HECW2: variants seen among roughly 807,000 people sequenced by gnomAD.
The protein encoded by HECW2 is E3 ubiquitin-protein ligase HECW2.
In HECW2, 61 loss-of-function variants were observed where a neutral mutation model predicts 175.2. That is an observed-to-expected ratio of 0.35 (90% CI 0.28 to 0.43). The LOEUF (loss-of-function observed/expected upper bound fraction) is 0.43, where lower values mean the gene tolerates loss of function less well. Among genes scored for constraint, HECW2 ranks in the 20% least tolerant of loss-of-function variants. The pLI is 1.00. For missense variants in HECW2, 1,524 were observed against 2,000.5 expected (o/e 0.76, Z 4.54); for synonymous variants, 671 against 731.0 (o/e 0.92, Z 1.32).
chr2:196,335,285 C>A (rs1692511378), intron 3 of HECW2, among the ~76,000 whole-genome samples: 1 of 152,096 alleles, frequency 6.6e-6, no homozygotes, highest in Non-Finnish European at 1.5e-5. Flanking sequence ...TGGAAAGTAA[C>A]TACAATTCCA....
At chr2:196,505,455 G>T (rs1228884228) in intron 1 of HECW2, among the ~76,000 whole-genome samples, 2 of 151,982 alleles carry the variant, frequency 1.3e-5, no homozygotes, top group Non-Finnish European at 2.9e-5. Flanking sequence ...CAGGAGAATC[G>T]CTTGAACCCA....
intron 2 of HECW2, among the ~76,000 whole-genome samples, chr2:196,365,338 C>T (rs1219346450): frequency 2.6e-5 from 4 of 152,224 alleles, no homozygotes; most frequent in Non-Finnish European, 4.4e-5. Context: ...AAGGTTAGCA[C>T]ATCAGGAAGG....
chr2:196,240,856 AAAC>A, intron 20 of HECW2, among the ~76,000 whole-genome samples: 1 of 152,234 alleles, frequency 6.6e-6, no homozygotes, highest in East Asian at 1.9e-4. Flanking sequence ...AATGATCATA[AAAC>A]AACACCACAC....
rs776016992 is a variant in HECW2, at chr2:196,220,936, A to T, written c.4152T>A (p.Thr1384=). ...CACCCCCTGGCTTTAATTCTCGTTC[A>T]GTTATCTGAGATTACAAAATAAAAA... ...TVNEEVFGQI[T]ERELKPGGAN... The change falls in exon 25 of 29, where the codon ACT becomes ACA. Residue 1384 remains threonine, a synonymous_variant. Transcript: ENST00000644978. 1 of 1,613,884 alleles carries T rather than the reference A, an allele frequency of 6.2e-7. No homozygotes were observed. Among genetic ancestry groups the T allele is most frequent in the South Asian group, 1.1e-5 (1 of 91,066 alleles).
chr2:196,224,654 C>T (rs918047564), intron 23 of HECW2, among the ~76,000 whole-genome samples: 4 of 152,078 alleles, frequency 2.6e-5, no homozygotes, highest in African/African-American at 7.2e-5. Context: ...CAATAAGATA[C>T]GGACTAATCA....
chr2:196,215,504 T>TTTCTAAATAGTTATTCTA (rs1404725209), intron 28 of HECW2, among the ~76,000 whole-genome samples: 7 of 152,186 alleles, frequency 4.6e-5, no homozygotes, highest in African/African-American at 1.7e-4. Context: ...ACTACAACGG[T>TTTCTAAATAGTTATTCTA]AATTTTTACT....
chr2:196,400,047 C>A (rs543811012), intron 2 of HECW2, among the ~76,000 whole-genome samples: 3 of 152,298 alleles, frequency 2.0e-5, no homozygotes, highest in Non-Finnish European at 2.9e-5. Context: ...ATGCTGGAAT[C>A]TGAAAGCATG....
intron 14 of HECW2, among the ~76,000 whole-genome samples, chr2:196,282,257 G>A (rs1182996678): frequency 6.6e-6 from 1 of 152,168 alleles, no homozygotes; most frequent in Non-Finnish European, 1.5e-5. Context: ...CCTTCGTTCT[G>A]TCCTTCACCC....
At chr2:196,316,631 G>C (rs1691709427) in intron 10 of HECW2, 1 of 152,262 alleles carries the variant, frequency 6.6e-6, no homozygotes, top group Non-Finnish European at 1.5e-5. Context: ...GATTGGCTAA[G>C]GGTATCACTC....
intron 1 of HECW2, among the ~76,000 whole-genome samples, chr2:196,584,672 T>C (rs1244285559): frequency 1.3e-5 from 2 of 152,140 alleles, no homozygotes; most frequent in Admixed American, 6.5e-5. Flanking sequence ...ACTGTTCTCA[T>C]AGGGCTATTT....
intron 2 of HECW2, among the ~76,000 whole-genome samples, chr2:196,386,412 T>G (rs1027891081): frequency 1.4e-4 from 22 of 152,192 alleles, no homozygotes; most frequent in African/African-American, 5.1e-4. Flanking sequence ...AAAAGAACAA[T>G]CAGTGCAAAG....
At chr2:196,440,526 T>C (rs1696007651) in intron 1 of HECW2, among the ~76,000 whole-genome samples, 1 of 152,178 alleles carries the variant, frequency 6.6e-6, no homozygotes, top group Non-Finnish European at 1.5e-5. Flanking sequence ...TACCTAAAAT[T>C]TGAGTTTTAG....
rs568742628 is a variant in HECW2, at chr2:196,241,378, G to T, written c.3650+706C>A. On this transcript the variant is annotated intron_variant, in intron 20 of 28. Transcript: ENST00000644978. ...TCAAGCAAGCCTTCCTGCAGGTGGG[G>T]CAGTGAGCCATGGGGCTGCTGTTGG... Among the ~76,000 whole-genome samples, 56 of 152,262 alleles carry T rather than the reference G, an allele frequency of 3.7e-4. 2 individuals carry two copies. Among genetic ancestry groups the T allele is most frequent in the Middle Eastern group, 6.8e-3 (2 of 294 alleles).
intron 1 of HECW2, among the ~76,000 whole-genome samples, chr2:196,518,128 T>C (rs904512492): frequency 1.3e-5 from 2 of 152,174 alleles, no homozygotes; most frequent in Non-Finnish European, 2.9e-5. Flanking sequence ...AGCAATGGAA[T>C]TGTAGGGATT....
intron 2 of HECW2, among the ~76,000 whole-genome samples, chr2:196,371,722 AG>A (rs1464474920): frequency 6.6e-6 from 1 of 152,204 alleles, no homozygotes; most frequent in Non-Finnish European, 1.5e-5. Flanking sequence ...CAATGTCCAC[AG>A]GTAGTCTGCG....
chr2:196,500,484 C>T (rs546639652), intron 1 of HECW2, among the ~76,000 whole-genome samples: 2 of 152,096 alleles, frequency 1.3e-5, no homozygotes, highest in South Asian at 2.1e-4. Flanking sequence ...AGAGTAAATG[C>T]TAAGTAATTG....
rs765240680 is a variant in HECW2, at chr2:196,318,628, C to A, written c.2262G>T (p.Pro754=). The change falls in exon 9 of 29, where the codon CCG becomes CCT. Residue 754 remains proline, a synonymous_variant. Coordinates refer to ENST00000644978, the MANE Select transcript of HECW2 (RefSeq NM_001348768.2). Reference sequence around the variant, plus strand: ...CCTCCCCAGCACTGCCTTCTTCTTGCGGTGGGCTCTCGGCAGCAGCTGCAG... The same window carrying A: ...CCTCCCCAGCACTGCCTTCTTCTTGAGGTGGGCTCTCGGCAGCAGCTGCAG... ...EGAAAAAESP[P]QEEGSAGEAQ... is the part of the protein sequence containing the mutation. 2 of 1,590,236 alleles carry A rather than the reference C, an allele frequency of 1.3e-6. No individual in the cohort carries two copies. The highest frequency in any genetic ancestry group is 1.8e-5 in the Admixed American group (1 of 56,406).
intron 1 of HECW2, among the ~76,000 whole-genome samples, chr2:196,554,967 T>G (rs1689744269): frequency 6.6e-6 from 1 of 152,130 alleles, no homozygotes; most frequent in Admixed American, 6.5e-5. Flanking sequence ...TAAAACACAG[T>G]TGGGTCCAGA....
At chr2:196,440,516 T>G (rs1346189530) in intron 1 of HECW2, among the ~76,000 whole-genome samples, 2 of 152,202 alleles carry the variant, frequency 1.3e-5, no homozygotes, top group Non-Finnish European at 2.9e-5. Flanking sequence ...CTAAATTTTA[T>G]ACCTAAAATT....
Sources: gnomAD v4.1 joint callset for allele counts (sites outside exome capture counted in the v4.1 genomes callset) on GRCh38, gnomAD v4.1.1 for gene constraint, MANE v1.5 for transcripts, NCBI Gene and HGNC (gene_info 2026-07-23, HGNC 2026-07-21) for gene names.